MED24: variants seen among roughly 807,000 people sequenced by gnomAD.
The protein encoded by MED24 is mediator complex subunit 24, also known as mediator of RNA polymerase II transcription subunit 24.
Under a neutral mutation model 118.8 loss-of-function variants are expected in MED24, and 74 were observed. The observed-to-expected ratio is 0.62, with a 90% CI of 0.52 to 0.76. The LOEUF is 0.76. Ranked by LOEUF, MED24 falls within the 30% of genes least tolerant of loss-of-function variation. MED24 has a pLI of 0.00. For synonymous variants in MED24, 521 were observed against 523.9 expected (o/e 0.99, Z 0.08); for missense variants, 1,041 against 1,278.9 (o/e 0.81, Z 2.84).
chr17:40,020,563 G>A, intron 23 of MED24: 1 of 1,116,582 alleles, frequency 9.0e-7, no homozygotes, highest in South Asian at 1.3e-5. Flanking sequence ...CGAGGCAGGA[G>A]GATCGCTTGA....
intron 3 of MED24, among the ~76,000 whole-genome samples, chr17:40,051,327 G>A (rs1184145837): frequency 6.6e-6 from 1 of 150,868 alleles, no homozygotes; most frequent in Non-Finnish European, 1.5e-5. Flanking sequence ...TAAAAATAAG[G>A]CTGGGCGGCC....
rs751983735 is a variant in MED24, at chr17:40,023,353, G to T, written c.2028C>A (p.Asp676Glu). ...TCTGCGTGGCTGTCTGCTGCAGCAC[G>T]TCGGCACACATGCGCTCCAGGATCG... is the stretch of plus-strand genomic sequence containing the variant. ...MNSILERMCA[D>E]VLQQTATQIK... The change falls in exon 20 of 26, where the codon GAC (aspartate) becomes GAA (glutamate). Residue 676 changes from aspartate to glutamate, a missense_variant. Physicochemically the swap from Asp to Glu is conservative, Grantham distance 45 (BLOSUM62 2). This residue lies in a region of MED24 where 587 missense variants were observed against 694.4 expected (regional missense o/e 0.85). Transcript: ENST00000394128. The T allele has an allele frequency of 6.2e-7, 1 of 1,612,022 alleles. No individual in the cohort carries two copies. Among genetic ancestry groups the T allele is most frequent in the Non-Finnish European group, 8.5e-7 (1 of 1,178,760 alleles).
chr17:40,031,364 T>C, intron 11 of MED24, 119 bp from the exon 12 acceptor site: 1 of 1,240,206 alleles, frequency 8.1e-7, no homozygotes, highest in South Asian at 1.3e-5. Context: ...CTGGAGTGCC[T>C]GAGGGACGGT....
intron 17 of MED24, 41 bp downstream of exon 17, chr17:40,026,815 C>A (rs751694334): frequency 1.9e-6 from 3 of 1,610,802 alleles, no homozygotes; most frequent in Admixed American, 1.7e-5. Flanking sequence ...CTTGACCCTG[C>A]CCCCACCGCC....
At chr17:40,043,903 A>AAAAAAAAAAAAAAAAAAAAAAAAC (rs1984850186) in intron 3 of MED24, among the ~76,000 whole-genome samples, 1 of 150,732 alleles carries the variant, frequency 6.6e-6, no homozygotes, top group African/African-American at 2.4e-5. Flanking sequence ...AAAAAAAAAA[A>AAAAAAAAAAAAAAAAAAAAAAAAC]ACAAAGATTT....
intron 19 of MED24, chr17:40,023,691 C>T: frequency 3.0e-6 from 1 of 333,876 alleles, no homozygotes. Flanking sequence ...CTCCAACTTC[C>T]CCCATCCCCC....
intron 3 of MED24, among the ~76,000 whole-genome samples, chr17:40,049,287 A>G (rs1196530701): frequency 6.6e-6 from 1 of 152,156 alleles, no homozygotes. Flanking sequence ...GAACAACATT[A>G]TGTGATTTTT....
At chr17:40,041,666 C>T (rs1392915042) in intron 3 of MED24, among the ~76,000 whole-genome samples, 1 of 152,218 alleles carries the variant, frequency 6.6e-6, no homozygotes, top group Admixed American at 6.6e-5. Flanking sequence ...TCTCATGATC[C>T]ATCAGCTATC....
In MED24 at chr17:40,028,881, G is replaced by A; in HGVS notation, c.1354C>T (p.Leu452=). 6.2e-7 allele frequency: 1 copy of A among 1,614,146 alleles called. No individual in the cohort carries two copies. Among genetic ancestry groups the A allele is most frequent in the Non-Finnish European group, 8.5e-7 (1 of 1,179,988 alleles). The change falls in exon 14 of 26, where the codon CTG becomes TTG. Residue 452 remains leucine (L), a synonymous_variant. Coordinates refer to ENST00000394128, the MANE Select transcript of MED24 (RefSeq NM_014815.4). ...TTTCCAGTGGCGGCGGCGGCAGCCA[G>A]CAGCAAGTCCAGACTCTTCCCGGAC... ...MLSGKSLDLL[L]AAAAATGKLK...
At position 40,054,368 on chromosome 17, in the gene MED24, T is replaced by C. The variant is rs1171618599; in HGVS notation, c.-45A>G. ...CCCCAAATTTAAGCCTACCGCACAA[T>C]CCAGTTCTAGGTGGTAGGCATCGCC... On this transcript the variant is annotated 5_prime_UTR_variant, in exon 1 of 26. Transcript: ENST00000394128. 1 of 152,466 alleles carries C rather than the reference T, an allele frequency of 6.6e-6. No individual in the cohort carries two copies. Among genetic ancestry groups the C allele is most frequent in the African/African-American group, 2.4e-5 (1 of 41,412 alleles). The allele number at this position is 152,466 out of a possible 1,614,324, so 9.4% of individuals were successfully genotyped here. A position where few individuals can be genotyped will look rare whatever the true frequency, so the allele number is the denominator to read the frequency against.
Position 40,019,999 on chromosome 17 carries a change from G to A in MED24, c.2705-66C>T, listed in dbSNP as rs766029876. 2.1e-5 allele frequency: 32 copies of A among 1,511,842 alleles called. No individual in the cohort carries two copies. The Admixed American group carries it at 2.6e-4, about 12-fold the overall frequency. The allele number at this position is 1,511,842 out of a possible 1,614,324, so 93.7% of individuals were successfully genotyped here. On this transcript the variant is annotated intron_variant, in intron 24 of 25. Transcript: ENST00000394128. Reference sequence around the variant, plus strand: ...GAGAGTGGGTGAGGTCACACTCTGGGAGAAGGTGGGACTGAAAAGGGAAAA... The same window carrying A: ...GAGAGTGGGTGAGGTCACACTCTGGAAGAAGGTGGGACTGAAAAGGGAAAA...
intron 3 of MED24, among the ~76,000 whole-genome samples, chr17:40,042,012 G>C (rs982611087): frequency 3.9e-5 from 6 of 152,172 alleles, no homozygotes; most frequent in Admixed American, 2.0e-4. Flanking sequence ...AGTGATGAGA[G>C]AGACCATTCA....
At chr17:40,027,633 T>C in intron 15 of MED24, 168 bp from the exon 16 acceptor site, 1 of 711,528 alleles carries the variant, frequency 1.4e-6, no homozygotes. Context: ...ACATCATCCC[T>C]TCCTTGAGAC....
intron 3 of MED24, among the ~76,000 whole-genome samples, chr17:40,047,497 T>TA (rs1985358606): frequency 6.7e-6 from 1 of 149,722 alleles, no homozygotes; most frequent in African/African-American, 2.5e-5. Flanking sequence ...CCGTCTCTAC[T>TA]AAAAATACAA....
chr17:40,039,084 T>A (rs1418043085), intron 3 of MED24, among the ~76,000 whole-genome samples: 2 of 152,184 alleles, frequency 1.3e-5, no homozygotes, highest in Non-Finnish European at 2.9e-5. Context: ...ATGTCCCCAC[T>A]GAACACTGAC....
At position 40,026,849 on chromosome 17, in the gene MED24, CACTG is replaced by C; in HGVS notation, c.1709+3_1709+6del. Reference sequence around the variant, plus strand: ...CCACCCTTGGAGTGGGCGCCCGGGCCACTGACACTAGCTTCATCTCCGAGGAGTT... The same window carrying C: ...CCACCCTTGGAGTGGGCGCCCGGGCCACACTAGCTTCATCTCCGAGGAGTT... On this transcript the variant is annotated splice_donor_5th_base_variant and intron_variant, in intron 17 of 25. Coordinates refer to ENST00000394128, the MANE Select transcript of MED24 (RefSeq NM_014815.4). The C allele has an allele frequency of 6.2e-7, 1 of 1,611,720 alleles. No individual in the cohort carries two copies. Among genetic ancestry groups the C allele is most frequent in the Non-Finnish European group, 8.5e-7 (1 of 1,178,192 alleles).
chr17:40,054,263 G>A (rs1318017255), intron 1 of MED24, 98 bp downstream of exon 1: 1 of 154,296 alleles, frequency 6.5e-6, no homozygotes, highest in African/African-American at 2.4e-5. Context: ...ACCATTCCAA[G>A]TCCAGATTTG....
intron 19 of MED24, 114 bp from the exon 20 acceptor site, chr17:40,023,509 G>A (rs1272474651): frequency 5.4e-6 from 6 of 1,114,878 alleles, no homozygotes; most frequent in Non-Finnish European, 6.3e-6. Flanking sequence ...AAATCTCCCT[G>A]AGGCATTAAC....
rs1981656190 is a variant in MED24 at position 40,019,344 on chromosome 17, AAAG to A, written c.*182_*184del. On this transcript the variant is annotated 3_prime_UTR_variant, in exon 26 of 26. Transcript: ENST00000394128. ...GCCAGCAGATGGAGAGGAAATTTTGAAAGAAGAAACCGGGAGACATCCTGGAGG... is the reference window on the plus strand; with the variant it reads ...GCCAGCAGATGGAGAGGAAATTTTGAAAGAAACCGGGAGACATCCTGGAGG... The A allele has an allele frequency of 3.3e-6, 2 of 597,444 alleles. No homozygotes were observed. The highest frequency in any genetic ancestry group is 5.9e-6 in the Non-Finnish European group (2 of 341,298). The allele number at this position is 597,444 out of a possible 1,614,324, so 37.0% of individuals were successfully genotyped here.
Sources: allele counts gnomAD v4.1 joint callset (sites outside exome capture counted in the v4.1 genomes callset), GRCh38; gene constraint gnomAD v4.1.1; regional missense constraint gnomAD v4.1.1; transcripts MANE v1.5; gene names NCBI Gene and HGNC (gene_info 2026-07-23, HGNC 2026-07-21).